The following KYNU variants were observed in gnomAD, a reference collection of about 807,000 sequenced individuals.
KYNU encodes the protein kynureninase.
KYNU carries 54 observed loss-of-function variants against 59.2 expected under a neutral mutation model. The observed-to-expected ratio is 0.91, with a 90% CI of 0.73 to 1.14. The LOEUF (loss-of-function observed/expected upper bound fraction) is 1.14, where lower values mean the gene tolerates loss of function less well. KYNU is among the 50% of genes most tolerant of loss of function. The pLI is 0.00. For synonymous variants in KYNU, 177 were observed against 192.0 expected (o/e 0.92, Z 0.65); for missense variants, 567 against 554.4 (o/e 1.02, Z -0.23).
Position 143,052,820 on chromosome 2 carries a change from T to A in KYNU, c.*10648T>A, listed in dbSNP as rs1345704884. 6.6e-6 allele frequency: 1 copy of A among 152,226 alleles called. No individual in the cohort carries two copies. Among genetic ancestry groups the A allele is most frequent in the Non-Finnish European group, 1.5e-5 (1 of 68,054 alleles). 9.4% of individuals were successfully genotyped at this position (152,226 alleles called of 1,614,324 possible). A position where few individuals can be genotyped will look rare whatever the true frequency, so the allele number is the denominator to read the frequency against. On this transcript the variant is annotated 3_prime_UTR_variant, in exon 14 of 14. Transcript: ENST00000264170. ...GGGAAAAGTATGGTGGGAGCCCCCA[T>A]ACAGAGTCCCTACTGAGGCACCACC...
intron 2 of KYNU, among the ~76,000 whole-genome samples, chr2:142,887,401 A>C (rs1057083017): frequency 1.1e-4 from 17 of 152,160 alleles, no homozygotes; most frequent in African/African-American, 3.9e-4. Flanking sequence ...CAGTTTCCTC[A>C]AAAACCAAAG....
At position 143,040,643 on chromosome 2, in the gene KYNU, A is replaced by T; in HGVS notation, c.1257A>T (p.Glu419Asp). ...ACAAAGATGTTTTCCAAGAACTAGAAAAAAGAGGAGTGGTTGTAAGTATGT... is the reference window on the plus strand; with the variant it reads ...ACAAAGATGTTTTCCAAGAACTAGATAAAAGAGGAGTGGTTGTAAGTATGT... ...VPNKDVFQELEKRGVVCDKRN... is the reference protein window; with the variant it reads ...VPNKDVFQELDKRGVVCDKRN... Residue 419 changes from glutamate (E) to aspartate (D), a missense_variant, in exon 13 of 14, where the codon GAA becomes GAT. Physicochemically the swap from Glu to Asp is conservative, Grantham distance 45. Transcript: ENST00000264170. 2 of 1,604,396 alleles carry T rather than the reference A, an allele frequency of 1.2e-6. No homozygotes were observed. Among genetic ancestry groups the T allele is most frequent in the Non-Finnish European group, 1.7e-6 (2 of 1,173,974 alleles).
At chr2:142,998,334 A>T (rs1037913678) in intron 10 of KYNU, among the ~76,000 whole-genome samples, 7 of 152,122 alleles carry the variant, frequency 4.6e-5, no homozygotes, top group African/African-American at 1.7e-4. Context: ...GCTTTCAAAT[A>T]TTTGCTTTTT....
At chr2:142,977,774 C>A (rs1394600533) in intron 8 of KYNU, among the ~76,000 whole-genome samples, 2 of 151,932 alleles carry the variant, frequency 1.3e-5, no homozygotes, top group African/African-American at 4.8e-5. Context: ...ACATAATATG[C>A]AAATAATGCT....
At chr2:142,952,077 TTTTG>T (rs1343601256) in intron 4 of KYNU, among the ~76,000 whole-genome samples, 7 of 152,032 alleles carry the variant, frequency 4.6e-5, no homozygotes, top group Admixed American at 1.3e-4. Context: ...CTGTATCGTG[TTTTG>T]TTTGTTTGTT....
At chr2:143,030,885 T>C (rs1686720270) in intron 11 of KYNU, among the ~76,000 whole-genome samples, 1 of 152,172 alleles carries the variant, frequency 6.6e-6, no homozygotes. Flanking sequence ...AACACTTACA[T>C]AGCCTAGAGT....
At chr2:142,947,010 T>A (rs1683808586) in intron 4 of KYNU, 1 of 1,532,626 alleles carries the variant, frequency 6.5e-7, no homozygotes, top group Non-Finnish European at 8.8e-7. Context: ...TATTAGTAAT[T>A]TCATGGTACC....
chr2:142,908,688 G>A (rs897670427), intron 2 of KYNU, among the ~76,000 whole-genome samples: 3 of 151,368 alleles, frequency 2.0e-5, no homozygotes, highest in Non-Finnish European at 4.4e-5. Context: ...AGGCTTGAGT[G>A]CAGTGGCACG....
chr2:142,888,802 C>T (rs1034662378), intron 2 of KYNU, among the ~76,000 whole-genome samples: 2 of 150,550 alleles, frequency 1.3e-5, no homozygotes, highest in African/African-American at 2.5e-5. Flanking sequence ...CTACTCGAGA[C>T]ACTTCTGTCA....
At chr2:142,934,575 T>C (rs567341314) in intron 4 of KYNU, among the ~76,000 whole-genome samples, 2 of 152,248 alleles carry the variant, frequency 1.3e-5, no homozygotes, top group South Asian at 4.1e-4. Context: ...TATTAATTTC[T>C]ACAATAGAGA....
chr2:142,956,984 T>C lies in KYNU; in HGVS notation c.508-657T>C, dbSNP rs185269542. Among the ~76,000 whole-genome samples the C allele has an allele frequency of 2.9e-3, 442 of 152,126 alleles. 3 individuals are homozygous for C. Among genetic ancestry groups the C allele is most frequent in the African/African-American group, 0.01 (417 of 41,536 alleles). On this transcript the variant is annotated intron_variant, in intron 6 of 13. Coordinates refer to ENST00000264170, the MANE Select transcript of KYNU (RefSeq NM_003937.3). ...ATAGTGAGACCTCGTCTCTATAAAG[T>C]AAATAATAAATAAATAAATTAATTA...
intron 2 of KYNU, among the ~76,000 whole-genome samples, chr2:142,888,973 C>T (rs930872649): frequency 1.3e-5 from 2 of 151,084 alleles, no homozygotes; most frequent in Admixed American, 6.6e-5. Context: ...ACCTTACCCA[C>T]AGAAATATGG....
chr2:142,991,300 T>A (rs1420147134), intron 10 of KYNU, among the ~76,000 whole-genome samples: 1 of 151,888 alleles, frequency 6.6e-6, no homozygotes, highest in Non-Finnish European at 1.5e-5. Flanking sequence ...ACTTATCAAG[T>A]CCCTATCTAG....
At chr2:142,944,949 A>G (rs1363075543) in intron 4 of KYNU, among the ~76,000 whole-genome samples, 8 of 152,222 alleles carry the variant, frequency 5.3e-5, no homozygotes, top group African/African-American at 1.9e-4. Flanking sequence ...ATAGCATTGC[A>G]TCTAAAAAGC....
chr2:143,031,833 G>A lies in KYNU; in HGVS notation c.956-1403G>A, dbSNP rs544042834. On this transcript the variant is annotated intron_variant, in intron 11 of 13. Transcript: ENST00000264170. ...GATACCACCTGAGACTCAGTAATTTGAAAAGGAAAGAATTTTAATTGACTC... is the reference window on the plus strand; with the variant it reads ...GATACCACCTGAGACTCAGTAATTTAAAAAGGAAAGAATTTTAATTGACTC... 5.9e-5 allele frequency among the ~76,000 whole-genome samples: 9 copies of A among 152,272 alleles called. No individual in the cohort carries two copies. The South Asian group carries it at 1.0e-3, about 18-fold the overall frequency.
intron 8 of KYNU, among the ~76,000 whole-genome samples, chr2:142,961,847 G>A (rs565620610): frequency 3.9e-5 from 6 of 152,242 alleles, no homozygotes; most frequent in African/African-American, 1.2e-4. Context: ...ATTTAAAAAT[G>A]TGACAATTGA....
chr2:142,896,683 C>A lies in KYNU; in HGVS notation c.169+11147C>A, dbSNP rs11903737. Among the ~76,000 whole-genome samples the A allele has an allele frequency of 3.3e-5, 5 of 151,578 alleles. No individual in the cohort carries two copies. In the South Asian group the frequency reaches 1.0e-3, roughly 31 times the overall value. Reference sequence around the variant, plus strand: ...CTGCTAATTTTAACAGACAGGGTCTCGCTTTGTTGCCCAGACTGGTCTTGA... The same window carrying A: ...CTGCTAATTTTAACAGACAGGGTCTAGCTTTGTTGCCCAGACTGGTCTTGA... On this transcript the variant is annotated intron_variant, in intron 2 of 13. Transcript: ENST00000264170.
At chr2:142,980,489 G>A (rs1685020774) in intron 8 of KYNU, among the ~76,000 whole-genome samples, 1 of 152,108 alleles carries the variant, frequency 6.6e-6, no homozygotes, top group South Asian at 2.1e-4. Flanking sequence ...GAGTTGCTCT[G>A]ATTCAAACAC....
At chr2:142,948,346 G>A (rs535974695) in intron 4 of KYNU, among the ~76,000 whole-genome samples, 11 of 152,290 alleles carry the variant, frequency 7.2e-5, no homozygotes, top group Non-Finnish European at 1.3e-4. Context: ...GAATGTTGGG[G>A]CTGGTTTGAT....
Sources: gnomAD v4.1 joint callset for allele counts (sites outside exome capture counted in the v4.1 genomes callset) on GRCh38, gnomAD v4.1.1 for gene constraint, MANE v1.5 for transcripts, NCBI Gene and HGNC (gene_info 2026-07-23, HGNC 2026-07-21) for gene names.